Variants in ENTHD1 observed in about 807,000 individuals in gnomAD.
ENTHD1 encodes the protein ENTH domain containing 1.
Under a neutral mutation model 39.1 loss-of-function variants are expected in ENTHD1, and 23 were observed. The ratio of observed to expected loss-of-function variants is 0.59; its 90% CI spans 0.42 to 0.83. The LOEUF (loss-of-function observed/expected upper bound fraction) is 0.83, where lower values mean the gene tolerates loss of function less well. ENTHD1 is among the 40% of genes least tolerant of loss of function. The pLI is 0.00. For missense variants in ENTHD1, 624 were observed against 705.4 expected, an observed-to-expected ratio of 0.88 and a Z score of 1.31; for synonymous variants, 230 against 258.2, an observed-to-expected ratio of 0.89 and a Z score of 1.05.
intron 5 of ENTHD1, among the ~76,000 whole-genome samples, chr22:39,785,664 G>GC (rs2065450834): frequency 6.6e-6 from 1 of 152,074 alleles, no homozygotes; most frequent in Non-Finnish European, 1.5e-5. Flanking sequence ...ACTTGGAAAG[G>GC]CCCCTAACCT....
chr22:39,816,904 T>C (rs1463011256), intron 5 of ENTHD1, among the ~76,000 whole-genome samples: 3 of 151,808 alleles, frequency 2.0e-5, no homozygotes, highest in African/African-American at 4.8e-5. Context: ...TCTATGTATA[T>C]ATCTATAGAT....
chr22:39,799,536 C>A (rs575511407), intron 5 of ENTHD1, among the ~76,000 whole-genome samples: 5 of 152,126 alleles, frequency 3.3e-5, no homozygotes, highest in Non-Finnish European at 7.4e-5. Flanking sequence ...CAAAAAAAGA[C>A]GGGTCCTGCA....
chr22:39,826,511 AGATT>A (rs2065827886), intron 4 of ENTHD1, among the ~76,000 whole-genome samples: 1 of 152,048 alleles, frequency 6.6e-6, no homozygotes, highest in African/African-American at 2.4e-5. Flanking sequence ...GAAAGAACTT[AGATT>A]ATTGATTTCA....
intron 3 of ENTHD1, among the ~76,000 whole-genome samples, chr22:39,842,509 T>C (rs1360686384): frequency 6.6e-6 from 1 of 152,242 alleles, no homozygotes; most frequent in African/African-American, 2.4e-5. Context: ...GCTGATACCC[T>C]TTCTTCCAGT....
Position 39,869,962 on chromosome 22 carries a change from T to G in ENTHD1, c.350-7955A>C, listed in dbSNP as rs780191532. On this transcript the variant is annotated intron_variant, in intron 2 of 6. Transcript: ENST00000325157. ...CCAGACTAGAACAGCTGAAGATAGA[T>G]TTGGTAATTGGAGAACAGTACTTTA... Among the ~76,000 whole-genome samples the G allele has an allele frequency of 7.1e-4, 108 of 151,270 alleles. 1 individual carries two copies. Among genetic ancestry groups the G allele is most frequent in the Non-Finnish European group, 1.5e-4 (10 of 67,878 alleles).
At chr22:39,844,267 G>T (rs768776017) in intron 3 of ENTHD1, among the ~76,000 whole-genome samples, 2 of 152,116 alleles carry the variant, frequency 1.3e-5, no homozygotes, top group African/African-American at 2.4e-5. Flanking sequence ...AGGTAGATAA[G>T]AAAAGTGAAA....
At chr22:39,841,413 G>C (rs1361345069) in intron 3 of ENTHD1, among the ~76,000 whole-genome samples, 2 of 151,718 alleles carry the variant, frequency 1.3e-5, no homozygotes, top group African/African-American at 4.8e-5. Flanking sequence ...TATGAATCTG[G>C]GTGCTCCTGT....
At chr22:39,856,969 T>C (rs1005024126) in intron 3 of ENTHD1, among the ~76,000 whole-genome samples, 3 of 151,952 alleles carry the variant, frequency 2.0e-5, no homozygotes, top group African/African-American at 4.8e-5. Flanking sequence ...CTTAGAACAA[T>C]GTCTGGCATT....
At chr22:39,889,743 G>A (rs1201702509) in intron 1 of ENTHD1, among the ~76,000 whole-genome samples, 1 of 152,026 alleles carries the variant, frequency 6.6e-6, no homozygotes, top group Non-Finnish European at 1.5e-5. Context: ...TTAAAAAAAT[G>A]AGATAACCTC....
intron 6 of ENTHD1, among the ~76,000 whole-genome samples, chr22:39,753,141 G>A (rs2065159792): frequency 6.6e-6 from 1 of 152,184 alleles, no homozygotes. Flanking sequence ...TATCCAATAT[G>A]AGAAAGTGTA....
chr22:39,846,627 G>A (rs2065991457), intron 3 of ENTHD1, among the ~76,000 whole-genome samples: 4 of 151,850 alleles, frequency 2.6e-5, no homozygotes. Context: ...TAGGTCTAAC[G>A]TTTAAGTCCT....
At chr22:39,782,927 C>G (rs1326937944) in intron 5 of ENTHD1, among the ~76,000 whole-genome samples, 1 of 152,018 alleles carries the variant, frequency 6.6e-6, no homozygotes, top group Non-Finnish European at 1.5e-5. Flanking sequence ...AAGTCCTGGC[C>G]AGAGCAGTTA....
chr22:39,831,461 G>A (rs1004978248), intron 4 of ENTHD1, among the ~76,000 whole-genome samples: 1 of 152,128 alleles, frequency 6.6e-6, no homozygotes, highest in Non-Finnish European at 1.5e-5. Context: ...TACTCAAGAT[G>A]AGCTTATAAT....
intron 3 of ENTHD1, among the ~76,000 whole-genome samples, chr22:39,841,895 T>C (rs1032665191): frequency 4.6e-5 from 7 of 152,104 alleles, no homozygotes; most frequent in African/African-American, 1.4e-4. Context: ...TTTCCATGTT[T>C]AGTGCTTCCT....
chr22:39,887,226 G>A (rs919638701), intron 2 of ENTHD1, among the ~76,000 whole-genome samples, 174 bp downstream of exon 2: 1 of 152,002 alleles, frequency 6.6e-6, no homozygotes, highest in African/African-American at 2.4e-5. Flanking sequence ...TAGAGATCGG[G>A]GTCTCTCTAT....
intron 6 of ENTHD1, among the ~76,000 whole-genome samples, chr22:39,752,968 A>G (rs2065158578): frequency 6.6e-6 from 1 of 152,196 alleles, no homozygotes; most frequent in African/African-American, 2.4e-5. Context: ...GGAAAAGTGC[A>G]TGGTTAATGG....
At chr22:39,840,490 G>C (rs2065935412) in intron 3 of ENTHD1, among the ~76,000 whole-genome samples, 1 of 152,208 alleles carries the variant, frequency 6.6e-6, no homozygotes, top group Non-Finnish European at 1.5e-5. Flanking sequence ...AAGTTGAACA[G>C]ATTTCCAAAT....
chr22:39,866,724 C>T (rs1193108284), intron 2 of ENTHD1, among the ~76,000 whole-genome samples: 3 of 152,260 alleles, frequency 2.0e-5, no homozygotes, highest in African/African-American at 7.2e-5. Context: ...GTACCTTACC[C>T]TTGTCCTTCA....
chr22:39,853,150 A>C (rs147662854), intron 3 of ENTHD1, among the ~76,000 whole-genome samples: 218 of 152,312 alleles, frequency 1.4e-3, no homozygotes, highest in African/African-American at 4.9e-3. Flanking sequence ...AGTCTCTTGG[A>C]AATTGCTACT....
Sources: allele counts gnomAD v4.1 joint callset (sites outside exome capture counted in the v4.1 genomes callset), GRCh38; gene constraint gnomAD v4.1.1; transcripts MANE v1.5; gene names NCBI Gene and HGNC (gene_info 2026-07-23, HGNC 2026-07-21).